The following B3GALT1 variants were observed in gnomAD, a reference collection of about 807,000 sequenced individuals.
The protein encoded by B3GALT1 is beta-1,3-galactosyltransferase 1, also known as UDP-Gal:betaGlcNAc beta 1,3-galactosyltransferase, polypeptide 1.
Under a neutral mutation model 23.2 loss-of-function variants are expected in B3GALT1, and 10 were observed. That is an observed-to-expected ratio of 0.43 (90% CI 0.27 to 0.73). The LOEUF (loss-of-function observed/expected upper bound fraction) is 0.73, where lower values mean the gene tolerates loss of function less well. B3GALT1 is among the 30% of genes least tolerant of loss of function. The pLI is 0.21. For missense variants in B3GALT1, 299 were observed against 405.4 expected (o/e 0.74, Z 2.25); for synonymous variants, 156 against 141.5 (o/e 1.10, Z -0.73).
intron 1 of B3GALT1, among the ~76,000 whole-genome samples, chr2:167,332,137 T>C (rs2105240716): frequency 6.6e-6 from 1 of 152,194 alleles, no homozygotes; most frequent in African/African-American, 2.4e-5. Context: ...TATGTTAATC[T>C]CAGAGTACAC....
chr2:167,519,063 A>G (rs1700144736), intron 2 of B3GALT1, among the ~76,000 whole-genome samples: 1 of 150,518 alleles, frequency 6.6e-6, no homozygotes, highest in African/African-American at 2.4e-5. Flanking sequence ...AGGTAAAGAA[A>G]ACAAATACAA....
In B3GALT1 at chr2:167,684,071, A is replaced by T. The variant is rs1313610948; in HGVS notation, c.-352+37105A>T. 2.0e-5 allele frequency among the ~76,000 whole-genome samples: 3 copies of T among 152,154 alleles called. No homozygotes were observed. In the East Asian group the frequency reaches 5.8e-4, roughly 29 times the overall value. On this transcript the variant is annotated intron_variant, in intron 3 of 4. Coordinates refer to ENST00000392690, the MANE Select transcript of B3GALT1 (RefSeq NM_020981.4). ...AATCGACACCCTCTGTGTCTTCCAG[A>T]GCCTGTCTCTATCACAGCACCTAAT...
At chr2:167,579,237 G>T (rs538524210) in intron 2 of B3GALT1, among the ~76,000 whole-genome samples, 2 of 151,962 alleles carry the variant, frequency 1.3e-5, no homozygotes, top group East Asian at 3.9e-4. Flanking sequence ...CTTGATTTCA[G>T]TACCCTCTTT....
At chr2:167,740,098 C>CTAAATAAATAAATAAA (rs57363909) in intron 3 of B3GALT1, among the ~76,000 whole-genome samples, 62 of 142,916 alleles carry the variant, frequency 4.3e-4, no homozygotes, top group Non-Finnish European at 3.0e-5. Context: ...GACTCTGTCT[C>CTAAATAAATAAATAAA]TAAATAAATA....
intron 4 of B3GALT1, among the ~76,000 whole-genome samples, chr2:167,847,894 A>G (rs1377699232): frequency 1.3e-5 from 2 of 152,220 alleles, no homozygotes; most frequent in African/African-American, 4.8e-5. Flanking sequence ...TCACTAAGAA[A>G]CAAAACAGGA....
At chr2:167,720,426 T>C (rs1443652850) in intron 3 of B3GALT1, among the ~76,000 whole-genome samples, 1 of 152,186 alleles carries the variant, frequency 6.6e-6, no homozygotes, top group Non-Finnish European at 1.5e-5. Flanking sequence ...TTCCCAGTTT[T>C]TGTATTCAGA....
intron 1 of B3GALT1, among the ~76,000 whole-genome samples, chr2:167,372,205 A>G (rs1446980963): frequency 6.6e-6 from 1 of 152,064 alleles, no homozygotes; most frequent in African/African-American, 2.4e-5. Flanking sequence ...CACTTGCTAC[A>G]GTTTTCTGTA....
intron 3 of B3GALT1, among the ~76,000 whole-genome samples, chr2:167,701,851 G>A (rs1437350320): frequency 3.3e-5 from 5 of 152,104 alleles, no homozygotes; most frequent in East Asian, 1.9e-4. Flanking sequence ...TACATCAAGC[G>A]TCTTTCAAGT....
intron 1 of B3GALT1, among the ~76,000 whole-genome samples, chr2:167,454,603 C>T (rs975347689): frequency 2.0e-5 from 3 of 151,976 alleles, no homozygotes; most frequent in African/African-American, 7.2e-5. Flanking sequence ...TTTAAATAAG[C>T]AAATAATGTC....
chr2:167,828,730 A>G (rs893262668), intron 4 of B3GALT1, among the ~76,000 whole-genome samples: 158 of 152,308 alleles, frequency 1.0e-3, no homozygotes, highest in African/African-American at 3.6e-3. Context: ...CTTTGCATAT[A>G]TGATCCCATT....
chr2:167,305,283 A>G (rs1696532603), intron 1 of B3GALT1, among the ~76,000 whole-genome samples: 2 of 152,176 alleles, frequency 1.3e-5, no homozygotes, highest in East Asian at 1.9e-4. Flanking sequence ...AAACACAGCA[A>G]TCTTGGAGGA....
intron 1 of B3GALT1, among the ~76,000 whole-genome samples, chr2:167,411,222 T>C (rs1479374299): frequency 6.8e-6 from 1 of 147,926 alleles, no homozygotes; most frequent in East Asian, 2.0e-4. Flanking sequence ...AAATCTTCTG[T>C]ATAACAACAA....
At chr2:167,546,197 A>G (rs1683632809) in intron 2 of B3GALT1, among the ~76,000 whole-genome samples, 1 of 152,176 alleles carries the variant, frequency 6.6e-6, no homozygotes, top group East Asian at 1.9e-4. Flanking sequence ...ACAAATGCAG[A>G]GCTTCCAGTC....
At chr2:167,515,297 T>C (rs1470655228) in intron 2 of B3GALT1, among the ~76,000 whole-genome samples, 1 of 152,158 alleles carries the variant, frequency 6.6e-6, no homozygotes, top group Non-Finnish European at 1.5e-5. Flanking sequence ...ACATATCTAC[T>C]TCAAGTGTTA....
chr2:167,443,545 G>C (rs184714393), intron 1 of B3GALT1, among the ~76,000 whole-genome samples: 20 of 152,016 alleles, frequency 1.3e-4, no homozygotes, highest in East Asian at 1.9e-4. Context: ...CTTTTATTTC[G>C]TTGAGCAGTG....
intron 2 of B3GALT1, among the ~76,000 whole-genome samples, chr2:167,563,293 A>G (rs1424069910): frequency 2.4e-5 from 3 of 122,844 alleles, no homozygotes; most frequent in African/African-American, 8.2e-5. Context: ...CTCACTTCCC[A>G]GTAGGGGCGG....
chr2:167,486,571 A>G (rs574743833), intron 1 of B3GALT1, among the ~76,000 whole-genome samples: 1 of 151,450 alleles, frequency 6.6e-6, no homozygotes, highest in Admixed American at 6.6e-5. Flanking sequence ...TACAAAAACT[A>G]GCTGGGTGTT....
intron 3 of B3GALT1, among the ~76,000 whole-genome samples, chr2:167,690,384 CAAAT>C (rs2105500660): frequency 6.6e-6 from 1 of 151,712 alleles, no homozygotes; most frequent in Admixed American, 6.6e-5. Context: ...TTTATAAGTA[CAAAT>C]AAATAACATT....
At chr2:167,835,492 C>T (rs1458759230) in intron 4 of B3GALT1, among the ~76,000 whole-genome samples, 1 of 152,216 alleles carries the variant, frequency 6.6e-6, no homozygotes, top group Non-Finnish European at 1.5e-5. Context: ...GGGCACCCAC[C>T]ATTGCCCATG....
Sources: allele counts gnomAD v4.1 joint callset (sites outside exome capture counted in the v4.1 genomes callset), GRCh38; gene constraint gnomAD v4.1.1; transcripts MANE v1.5; gene names NCBI Gene and HGNC (gene_info 2026-07-23, HGNC 2026-07-21).